The following SH3RF3 variants were observed in gnomAD, a reference collection of about 807,000 sequenced individuals.
SH3RF3 encodes SH3 domain containing ring finger 3, also known as E3 ubiquitin-protein ligase SH3RF3.
SH3RF3 carries 29 observed loss-of-function variants against 66.3 expected under a neutral mutation model. The observed-to-expected ratio is 0.44, with a 90% CI of 0.33 to 0.60. SH3RF3 has a LOEUF of 0.60. Among genes scored for constraint, SH3RF3 ranks in the 20% least tolerant of loss-of-function variants. The pLI is 0.04. For missense variants in SH3RF3, 1,194 were observed against 1,190.9 expected (o/e 1.00, Z -0.04); for synonymous variants, 583 against 532.0 (o/e 1.10, Z -1.32).
intron 1 of SH3RF3, among the ~76,000 whole-genome samples, chr2:109,313,905 G>T (rs868326405): frequency 1.2e-4 from 19 of 152,188 alleles, no homozygotes; most frequent in Middle Eastern, 3.2e-3. Context: ...TATTTGAAAG[G>T]TGTGTTGGGA....
chr2:109,183,912 C>T (rs1678126492), intron 1 of SH3RF3, among the ~76,000 whole-genome samples: 1 of 152,176 alleles, frequency 6.6e-6, no homozygotes, highest in Non-Finnish European at 1.5e-5. Flanking sequence ...TCCCAGAGAC[C>T]TGTGCCCCCA....
At chr2:109,206,043 CCT>C (rs1279366729) in intron 1 of SH3RF3, among the ~76,000 whole-genome samples, 2 of 152,110 alleles carry the variant, frequency 1.3e-5, no homozygotes, top group Non-Finnish European at 2.9e-5. Context: ...TCACTTGTAC[CCT>C]GAGATGCCTT....
chr2:109,315,471 T>A (rs1270307738), intron 1 of SH3RF3, among the ~76,000 whole-genome samples: 1 of 152,266 alleles, frequency 6.6e-6, no homozygotes, highest in Non-Finnish European at 1.5e-5. Context: ...CACTTGCTTT[T>A]ACTAAGAGGC....
intron 1 of SH3RF3, among the ~76,000 whole-genome samples, chr2:109,236,332 G>T (rs1433166035): frequency 6.6e-6 from 1 of 152,146 alleles, no homozygotes; most frequent in Non-Finnish European, 1.5e-5. Flanking sequence ...GCAATGCCCA[G>T]CAGTGCCTCC....
At chr2:109,405,723 A>C (rs1676436507) in intron 4 of SH3RF3, among the ~76,000 whole-genome samples, 1 of 151,994 alleles carries the variant, frequency 6.6e-6, no homozygotes, top group Admixed American at 6.6e-5. Flanking sequence ...TCCACCACCA[A>C]ATCAATTCCC....
intron 1 of SH3RF3, among the ~76,000 whole-genome samples, chr2:109,299,749 ACT>A (rs370530883): frequency 5.9e-5 from 9 of 152,248 alleles, no homozygotes; most frequent in African/African-American, 1.9e-4. Flanking sequence ...CTTTTCTTTC[ACT>A]CTCTGCTCAG....
intron 1 of SH3RF3, among the ~76,000 whole-genome samples, chr2:109,231,972 A>T (rs1336441798): frequency 6.6e-6 from 1 of 152,208 alleles, no homozygotes; most frequent in Admixed American, 6.5e-5. Context: ...ACATTGTAGA[A>T]TATTTTATCC....
At chr2:109,331,977 G>T (rs1026601597) in intron 1 of SH3RF3, among the ~76,000 whole-genome samples, 1 of 152,188 alleles carries the variant, frequency 6.6e-6, no homozygotes, top group African/African-American at 2.4e-5. Context: ...TGCTGTGACT[G>T]TCTGTGACTA....
intron 3 of SH3RF3, among the ~76,000 whole-genome samples, chr2:109,394,923 C>T (rs11887632): frequency 0.023 from 3,428 of 152,334 alleles, 138 homozygotes; most frequent in African/African-American, 0.077. Context: ...CGGGAGCCGC[C>T]GTCCCGCACA....
chr2:109,181,611 C>T (rs145308817), intron 1 of SH3RF3, among the ~76,000 whole-genome samples: 2 of 152,170 alleles, frequency 1.3e-5, no homozygotes, highest in African/African-American at 4.8e-5. Context: ...TTTACCTTCC[C>T]CTCCAGCATA....
chr2:109,456,809 T>C (rs1050948582), intron 8 of SH3RF3, among the ~76,000 whole-genome samples: 15 of 152,192 alleles, frequency 9.9e-5, no homozygotes, highest in African/African-American at 3.6e-4. Flanking sequence ...CCAGGCTCCA[T>C]GGTACCCACA....
intron 3 of SH3RF3, among the ~76,000 whole-genome samples, chr2:109,380,208 C>G (rs1209948038): frequency 6.6e-6 from 1 of 152,154 alleles, no homozygotes; most frequent in African/African-American, 2.4e-5. Context: ...CCGGCTCGCC[C>G]TGATTTCTCT....
At chr2:109,315,756 A>T (rs535850004) in intron 1 of SH3RF3, among the ~76,000 whole-genome samples, 1 of 152,320 alleles carries the variant, frequency 6.6e-6, no homozygotes, top group African/African-American at 2.4e-5. Context: ...CTATTGTGAC[A>T]TTTAGAGTAT....
chr2:109,178,120 C>T (rs1677970095), intron 1 of SH3RF3, among the ~76,000 whole-genome samples: 3 of 152,198 alleles, frequency 2.0e-5, no homozygotes, highest in African/African-American at 7.2e-5. Context: ...CCATATCAAT[C>T]TGTGCTGCTA....
intron 1 of SH3RF3, among the ~76,000 whole-genome samples, chr2:109,238,452 TGTGTGTG>T (rs1679700071): frequency 3.1e-3 from 3 of 956 alleles, no homozygotes; most frequent in Admixed American, 0.014. Context: ...TGTATATTTG[TGTGTGTG>T]TGTGTGTGTG....
intron 1 of SH3RF3, among the ~76,000 whole-genome samples, chr2:109,305,356 G>A (rs920290104): frequency 1.3e-4 from 20 of 152,072 alleles, no homozygotes; most frequent in African/African-American, 4.6e-4. Context: ...TTAATGGCAG[G>A]TATGGCCATG....
intron 2 of SH3RF3, among the ~76,000 whole-genome samples, chr2:109,369,053 TC>T (rs1683207584): frequency 6.6e-6 from 1 of 151,946 alleles, no homozygotes; most frequent in Non-Finnish European, 1.5e-5. Flanking sequence ...AGAAAAGCCC[TC>T]CCACACTTGG....
intron 1 of SH3RF3, among the ~76,000 whole-genome samples, chr2:109,321,067 G>A (rs1682015194): frequency 6.6e-6 from 1 of 152,204 alleles, no homozygotes; most frequent in Non-Finnish European, 1.5e-5. Context: ...AGACATGTAA[G>A]TAATGATTAC....
At chr2:109,263,008 A>T (rs1680396191) in intron 1 of SH3RF3, among the ~76,000 whole-genome samples, 1 of 149,628 alleles carries the variant, frequency 6.7e-6, no homozygotes, top group African/African-American at 2.5e-5. Flanking sequence ...CGTTTTTTGT[A>T]TTTTTTTTTG....
Sources: gnomAD v4.1 joint callset for allele counts (sites outside exome capture counted in the v4.1 genomes callset) on GRCh38, gnomAD v4.1.1 for gene constraint, MANE v1.5 for transcripts, NCBI Gene and HGNC (gene_info 2026-07-23, HGNC 2026-07-21) for gene names.